Variants in EYS observed in about 807,000 individuals in gnomAD.
The protein encoded by EYS is protein eyes shut homolog.
Under a neutral mutation model 282.1 loss-of-function variants are expected in EYS, and 250 were observed. That is an observed-to-expected ratio of 0.89 (90% CI 0.80 to 0.98). EYS has a LOEUF of 0.98. Ranked by LOEUF, EYS falls within the 50% of genes least tolerant of loss-of-function variation. The probability of loss-of-function intolerance (pLI) is 0.00; values close to 1 mark genes in which losing one functional copy is unlikely to be tolerated. For missense variants in EYS, 4,016 were observed against 3,709.0 expected (o/e 1.08, Z -2.15); for synonymous variants, 1,355 against 1,282.9 (o/e 1.06, Z -1.20).
intron 22 of EYS, among the ~76,000 whole-genome samples, chr6:64,745,419 T>G (rs1223414842): frequency 6.6e-6 from 1 of 152,146 alleles, no homozygotes; most frequent in Admixed American, 6.5e-5. Flanking sequence ...AAAGTGAAAT[T>G]TATATAACAA....
At chr6:63,996,533 G>A (rs1269038964) in intron 34 of EYS, among the ~76,000 whole-genome samples, 1 of 151,750 alleles carries the variant, frequency 6.6e-6, no homozygotes, top group South Asian at 2.1e-4. Flanking sequence ...AGAACTTAAA[G>A]TAAAAAAACA....
chr6:65,476,437 T>C (rs1386760623), intron 5 of EYS, among the ~76,000 whole-genome samples: 1 of 152,206 alleles, frequency 6.6e-6, no homozygotes, highest in Non-Finnish European at 1.5e-5. Flanking sequence ...TTCACTTATC[T>C]CAGATTATTT....
At chr6:65,412,945 C>T (rs973673976) in intron 5 of EYS, among the ~76,000 whole-genome samples, 1 of 152,074 alleles carries the variant, frequency 6.6e-6, no homozygotes, top group Non-Finnish European at 1.5e-5. Flanking sequence ...ATGGGGAGAA[C>T]TGCTTTTTCT....
At chr6:65,070,484 A>G (rs1220689065) in intron 12 of EYS, among the ~76,000 whole-genome samples, 1 of 151,676 alleles carries the variant, frequency 6.6e-6, no homozygotes, top group East Asian at 1.9e-4. Context: ...AATCTCCTAC[A>G]ATATTTTTCT....
chr6:65,240,721 T>C (rs1767037260), intron 12 of EYS, among the ~76,000 whole-genome samples: 1 of 152,216 alleles, frequency 6.6e-6, no homozygotes, highest in Non-Finnish European at 1.5e-5. Flanking sequence ...TATTTGTTGT[T>C]GTGAATAGTG....
intron 2 of EYS, among the ~76,000 whole-genome samples, chr6:65,541,591 C>T (rs73447269): frequency 0.042 from 6,327 of 152,178 alleles, 155 homozygotes; most frequent in Admixed American, 0.049. Context: ...TAAATATTAA[C>T]TTTCCCATCA....
chr6:64,973,375 G>A (rs900766053), intron 14 of EYS, among the ~76,000 whole-genome samples: 6 of 151,992 alleles, frequency 3.9e-5, no homozygotes, highest in African/African-American at 4.8e-5. Flanking sequence ...CCTTATGTAT[G>A]TGTATATAAA....
At chr6:64,101,660 C>T (rs1772831909) in intron 31 of EYS, among the ~76,000 whole-genome samples, 1 of 151,278 alleles carries the variant, frequency 6.6e-6, no homozygotes, top group Non-Finnish European at 1.5e-5. Flanking sequence ...TTTTTTTTGG[C>T]ACCAGAGACT....
chr6:63,788,282 G>T, intron 38 of EYS, 33 bp from the exon 39 acceptor site: 2 of 1,467,602 alleles, frequency 1.4e-6, no homozygotes, highest in South Asian at 1.3e-5. Context: ...ATTAAAAAAG[G>T]AATTAATTCC....
intron 12 of EYS, among the ~76,000 whole-genome samples, chr6:65,289,332 T>G (rs1288234476): frequency 1.3e-5 from 2 of 151,032 alleles, no homozygotes; most frequent in African/African-American, 4.8e-5. Context: ...TGTGTATGTA[T>G]ATACATTTAT....
chr6:65,660,612 A>C (rs1418535596), intron 1 of EYS, among the ~76,000 whole-genome samples: 4 of 151,800 alleles, frequency 2.6e-5, no homozygotes, highest in African/African-American at 9.7e-5. Flanking sequence ...TGGTAAGGGA[A>C]ATATATGTAT....
chr6:64,358,679 T>C (rs1771911906), intron 29 of EYS, among the ~76,000 whole-genome samples: 1 of 151,648 alleles, frequency 6.6e-6, no homozygotes, highest in Non-Finnish European at 1.5e-5. Flanking sequence ...GTATGGCAAA[T>C]ATACATGCAG....
intron 36 of EYS, among the ~76,000 whole-genome samples, chr6:63,810,943 C>A (rs2149681148): frequency 6.6e-6 from 1 of 152,260 alleles, no homozygotes; most frequent in Non-Finnish European, 1.5e-5. Flanking sequence ...ACCCACAAAT[C>A]TTTAATTTTT....
Position 65,280,660 on chromosome 6 carries a change from C to A in EYS, c.2023+15203G>T, listed in dbSNP as rs567406571. On this transcript the variant is annotated intron_variant, in intron 12 of 42. Coordinates refer to ENST00000503581, the MANE Select transcript of EYS (RefSeq NM_001142800.2). ...CTGTGGGGGATATAATTTTCACATA[C>A]TTGTAATGTAAAATTACAATTTCCA... Among the ~76,000 whole-genome samples, 25 of 151,752 alleles carry A rather than the reference C, an allele frequency of 1.6e-4. 1 individual carries two copies. The highest frequency in any genetic ancestry group is 1.6e-4 in the Non-Finnish European group (11 of 67,944).
chr6:64,051,452 AG>A (rs979535361), intron 33 of EYS, among the ~76,000 whole-genome samples: 1 of 152,174 alleles, frequency 6.6e-6, no homozygotes, highest in African/African-American at 2.4e-5. Context: ...TAACATGTAC[AG>A]GGTCTATCAA....
chr6:63,871,976 A>C lies in EYS; in HGVS notation c.7056-7618T>G, dbSNP rs565505999. On this transcript the variant is annotated intron_variant, in intron 35 of 42. Transcript: ENST00000503581. Reference sequence around the variant, plus strand: ...CAGGAGACAGCCCATGACCCACCCAACTTTCCAGCTTCTAGGTGTCCCAGT... The same window carrying C: ...CAGGAGACAGCCCATGACCCACCCACCTTTCCAGCTTCTAGGTGTCCCAGT... Among the ~76,000 whole-genome samples the C allele has an allele frequency of 4.6e-5, 7 of 152,224 alleles. No homozygotes were observed. The East Asian group carries it at 1.2e-3, about 25-fold the overall frequency.
At position 65,492,796 on chromosome 6, in the gene EYS, T is replaced by C. The variant is rs537842698; in HGVS notation, c.748+1867A>G. Among the ~76,000 whole-genome samples, 32 of 152,346 alleles carry C rather than the reference T, an allele frequency of 2.1e-4. 1 individual carries two copies. In the South Asian group the frequency reaches 6.4e-3, roughly 31 times the overall value. ...TATATTCAGTGGCTATTATTGGTAT[T>C]AACTTCTATAATAATCTTGGTACTA... On this transcript the variant is annotated intron_variant, in intron 4 of 42. Transcript: ENST00000503581.
At chr6:65,042,241 GTCTTT>G (rs1425880058) in intron 13 of EYS, among the ~76,000 whole-genome samples, 1 of 151,106 alleles carries the variant, frequency 6.6e-6, no homozygotes, top group Non-Finnish European at 1.5e-5. Flanking sequence ...ACTTATCTAT[GTCTTT>G]ATATTTACCT....
Position 65,353,547 on chromosome 6 carries a change from T to C in EYS, c.1370A>G (p.His457Arg). The change falls in exon 9 of 43, where the codon CAC becomes CGC. Residue 457 changes from histidine (H) to arginine (R), a missense_variant. By Grantham distance (29) the His-to-Arg change is conservative. Transcript: ENST00000503581. ...FLKNVYLIHQ[H>R]LCYCGVTFHG... is the part of the protein sequence containing the mutation. ...GAAGGTGACTCCACAGTAGCAGAGG[T>C]GTTGATGAATTAGGTAAACATTCTT... 1 of 1,613,204 alleles carries C rather than the reference T, an allele frequency of 6.2e-7. No individual in the cohort carries two copies. Among genetic ancestry groups the C allele is most frequent in the Non-Finnish European group, 8.5e-7 (1 of 1,179,456 alleles).
Sources: gnomAD v4.1 joint callset for allele counts (sites outside exome capture counted in the v4.1 genomes callset) on GRCh38, gnomAD v4.1.1 for gene constraint, MANE v1.5 for transcripts, NCBI Gene and HGNC (gene_info 2026-07-23, HGNC 2026-07-21) for gene names.